Variants in GRIP1 observed in about 807,000 individuals in gnomAD.
The protein encoded by GRIP1 is glutamate receptor-interacting protein 1.
Under a neutral mutation model 129.9 loss-of-function variants are expected in GRIP1, and 45 were observed. The observed-to-expected ratio is 0.35, with a 90% CI of 0.27 to 0.44. The LOEUF (loss-of-function observed/expected upper bound fraction) is 0.44. Ranked by LOEUF, GRIP1 falls within the 20% of genes least tolerant of loss-of-function variation. GRIP1 has a pLI of 1.00. For synonymous variants in GRIP1, 530 were observed against 520.8 expected (o/e 1.02, Z -0.24); for missense variants, 1,196 against 1,396.8 (o/e 0.86, Z 2.29).
rs991022034 is a variant in GRIP1 at position 66,394,305 on chromosome 12, G to A, written c.2032C>T (p.Arg678Cys). ...GTGATGCCAAGGGGCCCCCCGTAGC[G>A]TTTAAGCTCCACGGTGTAAATAATT... Reference protein sequence around the residue: ...GAIIYTVELKRYGGPLGITIS... With the variant: ...GAIIYTVELKCYGGPLGITIS... The change falls in exon 17 of 25, where the codon CGC (arginine) becomes TGC (cysteine). Residue 678 changes from arginine (R) to cysteine (C), a missense_variant. Arg to Cys is a radical substitution (Grantham distance 180, BLOSUM62 -3). Coordinates refer to ENST00000359742, the MANE Select transcript of GRIP1 (RefSeq NM_001366722.1). The A allele has an allele frequency of 3.7e-6, 6 of 1,613,656 alleles. No individual in the cohort carries two copies. In the African/African-American group the frequency reaches 4.0e-5, roughly 11 times the overall value.
chr12:66,413,619 C>CA (rs1279056519), intron 15 of GRIP1, among the ~76,000 whole-genome samples: 2 of 152,056 alleles, frequency 1.3e-5, no homozygotes, highest in Non-Finnish European at 2.9e-5. Context: ...ATCCTGATAC[C>CA]AAAACCTGGG....
intron 1 of GRIP1, among the ~76,000 whole-genome samples, chr12:66,826,431 T>C (rs550743523): frequency 2.0e-5 from 3 of 151,824 alleles, no homozygotes; most frequent in Admixed American, 1.3e-4. Flanking sequence ...TGCACATGTA[T>C]CCCAGAACTT....
intron 1 of GRIP1, among the ~76,000 whole-genome samples, chr12:66,815,837 T>C (rs71435318): frequency 1.3e-3 from 39 of 30,990 alleles, no homozygotes; most frequent in Non-Finnish European, 2.1e-3. Context: ...TCTTTCTTTC[T>C]TTCTTTCTTT....
At chr12:66,965,255 T>A (rs1264244715) in intron 1 of GRIP1, among the ~76,000 whole-genome samples, 1 of 152,094 alleles carries the variant, frequency 6.6e-6, no homozygotes, top group Non-Finnish European at 1.5e-5. Context: ...TCCTTCAACA[T>A]CTTTAGATAA....
At chr12:66,525,156 G>A (rs530613046) in intron 5 of GRIP1, among the ~76,000 whole-genome samples, 1 of 152,310 alleles carries the variant, frequency 6.6e-6, no homozygotes, top group Admixed American at 6.5e-5. Context: ...TAGAAAAAGA[G>A]GGAATCCTCC....
chr12:67,009,154 G>T (rs982925680), intron 1 of GRIP1, among the ~76,000 whole-genome samples: 4 of 152,078 alleles, frequency 2.6e-5, no homozygotes, highest in African/African-American at 7.2e-5. Context: ...TTAGAAAACC[G>T]CATCCTCTTG....
At chr12:66,949,916 C>A (rs2041730241) in intron 1 of GRIP1, among the ~76,000 whole-genome samples, 2 of 151,774 alleles carry the variant, frequency 1.3e-5, no homozygotes, top group African/African-American at 4.8e-5. Flanking sequence ...CTACAGGTGC[C>A]CGCCACCACG....
rs1341021886 is a variant in GRIP1, at chr12:66,723,316, T to C, written c.-420+80737A>G. Reference sequence around the variant, plus strand: ...TCTTTCTTTCTTTCTTTTTTTTTTTTTTTTTTTTTTTTTTGAGACAGAGTC... The same window carrying C: ...TCTTTCTTTCTTTCTTTTTTTTTTTCTTTTTTTTTTTTTTGAGACAGAGTC... On this transcript the variant is annotated intron_variant, in intron 1 of 4. Coordinates refer to the GRIP1 transcript ENST00000538373. Among the ~76,000 whole-genome samples the C allele has an allele frequency of 5.4e-4, 49 of 91,280 alleles. 1 individual carries two copies. The highest frequency in any genetic ancestry group is 2.1e-3 in the South Asian group (5 of 2,438). The allele number at this position is 91,280 out of a possible 152,430, so 59.9% of individuals were successfully genotyped here.
At chr12:66,579,003 C>T (rs948718646) in intron 2 of GRIP1, among the ~76,000 whole-genome samples, 2 of 152,222 alleles carry the variant, frequency 1.3e-5, no homozygotes, top group African/African-American at 4.8e-5. Context: ...AACTGGGAGG[C>T]ACCCCCCAGT....
At chr12:66,604,064 C>T (rs181695595) in intron 1 of GRIP1, among the ~76,000 whole-genome samples, 3 of 152,258 alleles carry the variant, frequency 2.0e-5, no homozygotes, top group African/African-American at 7.2e-5. Flanking sequence ...ATTCTTCCTC[C>T]TCAGATACAA....
chr12:66,984,458 G>A (rs1178577056), intron 1 of GRIP1, among the ~76,000 whole-genome samples: 2 of 152,190 alleles, frequency 1.3e-5, no homozygotes, highest in Non-Finnish European at 2.9e-5. Context: ...GCATAACGAT[G>A]CTGAAGTATC....
At chr12:66,527,825 G>GGGAGGA (rs1167471987) in intron 5 of GRIP1, among the ~76,000 whole-genome samples, 1 of 152,060 alleles carries the variant, frequency 6.6e-6, no homozygotes, top group Admixed American at 6.6e-5. Flanking sequence ...GTTGGAGGGT[G>GGGAGGA]GGAGGAGGAG....
At chr12:66,868,219 T>C (rs1379121640) in intron 1 of GRIP1, among the ~76,000 whole-genome samples, 1 of 152,062 alleles carries the variant, frequency 6.6e-6, no homozygotes, top group Non-Finnish European at 1.5e-5. Flanking sequence ...ATGCATGCTG[T>C]TGACCAGATA....
chr12:66,955,636 T>C (rs915477899), intron 1 of GRIP1, among the ~76,000 whole-genome samples: 1 of 151,632 alleles, frequency 6.6e-6, no homozygotes, highest in African/African-American at 2.4e-5. Flanking sequence ...GCTTCTCCAG[T>C]AGCTGGGATT....
chr12:66,909,898 A>G (rs2041000530), intron 1 of GRIP1, among the ~76,000 whole-genome samples: 1 of 152,210 alleles, frequency 6.6e-6, no homozygotes, highest in South Asian at 2.1e-4. Flanking sequence ...AAACTGGATC[A>G]AAGGCCTTTC....
intron 1 of GRIP1, among the ~76,000 whole-genome samples, chr12:66,630,678 C>G (rs2030678783): frequency 6.6e-6 from 1 of 152,180 alleles, no homozygotes; most frequent in Admixed American, 6.5e-5. Flanking sequence ...GGGCAGTGAG[C>G]AGAGACTCAG....
intron 1 of GRIP1, among the ~76,000 whole-genome samples, chr12:66,677,192 C>A (rs1303356096): frequency 6.6e-6 from 1 of 152,158 alleles, no homozygotes; most frequent in East Asian, 1.9e-4. Flanking sequence ...TAGCGACTAT[C>A]TTAGTAAACA....
intron 1 of GRIP1, among the ~76,000 whole-genome samples, chr12:66,673,371 G>T (rs140305726): frequency 8.5e-4 from 130 of 152,146 alleles, no homozygotes; most frequent in African/African-American, 2.9e-3. Context: ...TAAGTTAATC[G>T]ATTAGAATGC....
intron 1 of GRIP1, among the ~76,000 whole-genome samples, chr12:66,750,851 A>G (rs761772585): frequency 7.2e-5 from 11 of 152,230 alleles, no homozygotes; most frequent in Non-Finnish European, 1.5e-4. Context: ...CAAATGACAG[A>G]TATCAAAGAG....
Sources: allele counts gnomAD v4.1 joint callset (sites outside exome capture counted in the v4.1 genomes callset), GRCh38; gene constraint gnomAD v4.1.1; transcripts MANE v1.5; gene names NCBI Gene and HGNC (gene_info 2026-07-23, HGNC 2026-07-21).